Variants in ADAMTSL3 observed in about 807,000 individuals in gnomAD.
The protein encoded by ADAMTSL3 is ADAMTS-like protein 3.
Under a neutral mutation model 201.7 loss-of-function variants are expected in ADAMTSL3, and 128 were observed. The ratio of observed to expected loss-of-function variants is 0.63; its 90% CI spans 0.55 to 0.73. The LOEUF is 0.73. Ranked by LOEUF, ADAMTSL3 falls within the 30% of genes least tolerant of loss-of-function variation. The pLI, the probability that ADAMTSL3 is intolerant of heterozygous loss-of-function variation, is 0.00. For missense variants in ADAMTSL3, 1,990 were observed against 2,119.6 expected (o/e 0.94, Z 1.20); for synonymous variants, 738 against 748.4 (o/e 0.99, Z 0.23).
intron 3 of ADAMTSL3, among the ~76,000 whole-genome samples, chr15:83,720,342 C>T (rs896393225): frequency 1.3e-5 from 2 of 152,094 alleles, no homozygotes; most frequent in Non-Finnish European, 2.9e-5. Flanking sequence ...AATTAATTAG[C>T]AGAAAAGCAT....
At chr15:83,979,853 A>C (rs1185824452) in intron 20 of ADAMTSL3, among the ~76,000 whole-genome samples, 2 of 152,234 alleles carry the variant, frequency 1.3e-5, no homozygotes, top group African/African-American at 4.8e-5. Flanking sequence ...TCAGTGAAAG[A>C]AACTGGGTCA....
At chr15:83,807,227 A>G (rs965536042) in intron 5 of ADAMTSL3, among the ~76,000 whole-genome samples, 1 of 152,162 alleles carries the variant, frequency 6.6e-6, no homozygotes, top group Non-Finnish European at 1.5e-5. Context: ...AGGCTGAGGC[A>G]GGTGGATCAC....
chr15:83,881,270 G>C (rs1294425479), intron 9 of ADAMTSL3, among the ~76,000 whole-genome samples: 1 of 152,116 alleles, frequency 6.6e-6, no homozygotes, highest in African/African-American at 2.4e-5. Context: ...TCCTATGATA[G>C]AACTTTCTAG....
chr15:83,819,255 C>A (rs2063818424), intron 5 of ADAMTSL3, among the ~76,000 whole-genome samples: 1 of 141,516 alleles, frequency 7.1e-6, no homozygotes. Flanking sequence ...CAGAGTGACA[C>A]TCCGTCTCAA....
At chr15:84,032,087 G>T (rs189574605) in intron 28 of ADAMTSL3, among the ~76,000 whole-genome samples, 1 of 152,198 alleles carries the variant, frequency 6.6e-6, no homozygotes, top group African/African-American at 2.4e-5. Context: ...CACTAATCGG[G>T]GGCTTGGGAG....
chr15:83,745,785 C>A (rs1019563195), intron 3 of ADAMTSL3, among the ~76,000 whole-genome samples: 3 of 152,196 alleles, frequency 2.0e-5, no homozygotes, highest in African/African-American at 7.2e-5. Flanking sequence ...TAGAGTGACA[C>A]TTGGTTTATC....
At chr15:83,684,167 A>G (rs968787660) in intron 2 of ADAMTSL3, among the ~76,000 whole-genome samples, 14 of 152,094 alleles carry the variant, frequency 9.2e-5, no homozygotes, top group African/African-American at 3.4e-4. Context: ...GTTTTTGGAG[A>G]TTTCTGCTTA....
intron 10 of ADAMTSL3, among the ~76,000 whole-genome samples, 158 bp downstream of exon 10, chr15:83,885,370 G>A (rs2065367018): frequency 6.6e-6 from 1 of 151,788 alleles, no homozygotes; most frequent in Non-Finnish European, 1.5e-5. Flanking sequence ...TGTTAATGAA[G>A]AAGATGCATT....
intron 6 of ADAMTSL3, among the ~76,000 whole-genome samples, chr15:83,826,754 T>C (rs1459177795): frequency 6.7e-6 from 1 of 149,010 alleles, no homozygotes; most frequent in South Asian, 2.1e-4. Context: ...AGTGAGAACA[T>C]GCGGTGTTTG....
At chr15:83,720,243 A>C (rs917231456) in intron 3 of ADAMTSL3, among the ~76,000 whole-genome samples, 2 of 152,084 alleles carry the variant, frequency 1.3e-5, no homozygotes, top group African/African-American at 4.8e-5. Context: ...ATAAATAAAG[A>C]GAGAAAACAT....
At chr15:83,918,634 A>C (rs1449054714) in intron 16 of ADAMTSL3, among the ~76,000 whole-genome samples, 3 of 152,184 alleles carry the variant, frequency 2.0e-5, no homozygotes, top group Non-Finnish European at 4.4e-5. Context: ...AGTACTGAGA[A>C]TGAGACAGGG....
intron 24 of ADAMTSL3, among the ~76,000 whole-genome samples, chr15:84,015,392 C>G (rs755258290): frequency 2.0e-5 from 3 of 152,130 alleles, no homozygotes; most frequent in Non-Finnish European, 4.4e-5. Flanking sequence ...GTTAGAGGAG[C>G]CCAGAGATAT....
At chr15:83,857,559 C>G (rs977709730) in intron 7 of ADAMTSL3, among the ~76,000 whole-genome samples, 1 of 152,082 alleles carries the variant, frequency 6.6e-6, no homozygotes, top group Non-Finnish European at 1.5e-5. Flanking sequence ...AGGTACGGTT[C>G]AGTCTTTCCT....
In ADAMTSL3 at chr15:84,037,950, G is replaced by A; in HGVS notation, c.*144G>A. 2 of 1,243,736 alleles carry A rather than the reference G, an allele frequency of 1.6e-6. No homozygotes were observed. The highest frequency in any genetic ancestry group is 2.1e-6 in the Non-Finnish European group (2 of 939,220). 77.0% of individuals were successfully genotyped at this position (1,243,736 alleles called of 1,614,324 possible). A position where few individuals can be genotyped will look rare whatever the true frequency, so the allele number is the denominator to read the frequency against. ...CAGAGGTTGATGCAAAAACACCACT[G>A]TTAAGGTGTAAAGTGAAATTTTCCA... On this transcript the variant is annotated 3_prime_UTR_variant, in exon 30 of 30. Coordinates refer to ENST00000286744, the MANE Select transcript of ADAMTSL3 (RefSeq NM_207517.3).
intron 19 of ADAMTSL3, among the ~76,000 whole-genome samples, chr15:83,959,517 A>G (rs2066921712): frequency 1.3e-5 from 2 of 152,228 alleles, no homozygotes. Flanking sequence ...TAGACTTCTC[A>G]ACAATACCAC....
At chr15:83,918,746 T>G (rs1232594682) in intron 16 of ADAMTSL3, among the ~76,000 whole-genome samples, 1 of 152,184 alleles carries the variant, frequency 6.6e-6, no homozygotes, top group Admixed American at 6.5e-5. Flanking sequence ...GGGAAGTCAT[T>G]CAAGTAATTA....
At chr15:83,837,962 T>C in intron 6 of ADAMTSL3, 127 bp from the exon 7 acceptor site, 2 of 1,129,714 alleles carry the variant, frequency 1.8e-6, no homozygotes, top group Non-Finnish European at 2.4e-6. Flanking sequence ...TTTATAAAAC[T>C]ATGTTCTCAT....
At chr15:83,858,921 A>T in intron 8 of ADAMTSL3, 81 bp downstream of exon 8, 1 of 1,228,200 alleles carries the variant, frequency 8.1e-7, no homozygotes, top group South Asian at 1.4e-5. Context: ...AAAAACCCAC[A>T]AACCAAACCA....
intron 17 of ADAMTSL3, among the ~76,000 whole-genome samples, chr15:83,938,527 G>C (rs2066500163): frequency 6.6e-6 from 1 of 152,144 alleles, no homozygotes; most frequent in South Asian, 2.1e-4. Flanking sequence ...CAATAAAGCT[G>C]TCATTTTAAA....
Sources: allele counts gnomAD v4.1 joint callset (sites outside exome capture counted in the v4.1 genomes callset), GRCh38; gene constraint gnomAD v4.1.1; transcripts MANE v1.5; gene names NCBI Gene and HGNC (gene_info 2026-07-23, HGNC 2026-07-21).